The following NRG3 variants were observed in gnomAD, a reference collection of about 807,000 sequenced individuals.
The protein encoded by NRG3 is pro-neuregulin-3, membrane-bound isoform.
A neutral mutation model predicts 66.9 loss-of-function variants in NRG3; 31 were observed. The ratio of observed to expected loss-of-function variants is 0.46; its 90% confidence interval spans 0.35 to 0.63. The LOEUF is 0.63. NRG3 is among the 20% of genes least tolerant of loss of function. The pLI is 0.00. For synonymous variants in NRG3, 393 were observed against 359.4 expected (o/e 1.09, Z -1.06); for missense variants, 910 against 878.9 (o/e 1.04, Z -0.45).
chr10:81,950,432 C>T (rs1849248382), intron 1 of NRG3, among the ~76,000 whole-genome samples: 1 of 152,160 alleles, frequency 6.6e-6, no homozygotes, highest in South Asian at 2.1e-4. Context: ...CCAGAGAGGT[C>T]AAGAAAATCA....
intron 2 of NRG3, among the ~76,000 whole-genome samples, chr10:82,471,120 C>T (rs1590242656): frequency 6.6e-6 from 1 of 152,074 alleles, no homozygotes; most frequent in African/African-American, 2.4e-5. Context: ...AGATTAGGCA[C>T]ACAGACACTT....
At chr10:82,177,248 T>C (rs2073103758) in intron 1 of NRG3, among the ~76,000 whole-genome samples, 2 of 152,066 alleles carry the variant, frequency 1.3e-5, no homozygotes, top group South Asian at 4.1e-4. Flanking sequence ...CTAGGCCTGA[T>C]TGTGTGTTTT....
intron 3 of NRG3, among the ~76,000 whole-genome samples, chr10:82,857,151 A>G (rs1414478294): frequency 6.6e-6 from 1 of 152,290 alleles, no homozygotes; most frequent in Non-Finnish European, 1.5e-5. Context: ...AAACCTTGTC[A>G]TGCTATTTCA....
At chr10:81,879,175 A>C (rs1286223600) in intron 1 of NRG3, among the ~76,000 whole-genome samples, 2 of 152,218 alleles carry the variant, frequency 1.3e-5, no homozygotes, top group African/African-American at 4.8e-5. Context: ...TTGGGTTTCC[A>C]CTTGCCTAGT....
chr10:82,547,464 T>C (rs1286919167), intron 2 of NRG3, among the ~76,000 whole-genome samples: 2 of 149,422 alleles, frequency 1.3e-5, no homozygotes, highest in Non-Finnish European at 3.0e-5. Context: ...TATATGTATG[T>C]ATATATGTAT....
chr10:82,910,075 T>C (rs552630100), intron 4 of NRG3, among the ~76,000 whole-genome samples: 1 of 152,328 alleles, frequency 6.6e-6, no homozygotes, highest in African/African-American at 2.4e-5. Flanking sequence ...ATGACAATCA[T>C]ATTCTGGCCA....
intron 1 of NRG3, among the ~76,000 whole-genome samples, chr10:81,906,008 C>T (rs1040675): frequency 0.45 from 67,975 of 152,006 alleles, 18,719 homozygotes; most frequent in East Asian, 0.81. Context: ...AGTAATATGT[C>T]TTAGGGGCAA....
At chr10:82,138,036 T>G (rs552633461) in intron 1 of NRG3, among the ~76,000 whole-genome samples, 5 of 152,324 alleles carry the variant, frequency 3.3e-5, no homozygotes, top group Admixed American at 2.0e-4. Context: ...TTTCTGCTTT[T>G]TGTTTCTCAA....
At chr10:82,262,903 C>G (rs887619648) in intron 1 of NRG3, among the ~76,000 whole-genome samples, 4 of 152,102 alleles carry the variant, frequency 2.6e-5, no homozygotes, top group Non-Finnish European at 5.9e-5. Context: ...GATTAAGAAT[C>G]TTAGCACTAA....
chr10:82,084,268 A>G (rs377545755), intron 1 of NRG3, among the ~76,000 whole-genome samples: 1 of 152,102 alleles, frequency 6.6e-6, no homozygotes, highest in Non-Finnish European at 1.5e-5. Flanking sequence ...GTAAGGGCAC[A>G]TTCAATATTT....
chr10:82,450,780 A>T (rs770722922), intron 2 of NRG3, among the ~76,000 whole-genome samples: 2 of 152,176 alleles, frequency 1.3e-5, no homozygotes, highest in African/African-American at 2.4e-5. Context: ...TATTTTGGTA[A>T]ATCTTATTGA....
intron 4 of NRG3, among the ~76,000 whole-genome samples, chr10:82,933,154 A>G (rs541075275): frequency 1.3e-5 from 2 of 152,222 alleles, no homozygotes; most frequent in Non-Finnish European, 2.9e-5. Context: ...TAGTCCAGGC[A>G]GCAGTAGAGG....
At chr10:81,901,524 C>T (rs1042681633) in intron 1 of NRG3, among the ~76,000 whole-genome samples, 3 of 152,030 alleles carry the variant, frequency 2.0e-5, no homozygotes, top group African/African-American at 7.2e-5. Context: ...AAAAATTTGT[C>T]TGAGCGTGGT....
At chr10:82,073,519 G>A (rs1256461447) in intron 1 of NRG3, among the ~76,000 whole-genome samples, 1 of 151,998 alleles carries the variant, frequency 6.6e-6, no homozygotes, top group East Asian at 1.9e-4. Context: ...AATGATATCT[G>A]TGCCAGTGAC....
chr10:82,439,291 A>G (rs1396224450), intron 2 of NRG3, among the ~76,000 whole-genome samples: 1 of 152,178 alleles, frequency 6.6e-6, no homozygotes, highest in Non-Finnish European at 1.5e-5. Flanking sequence ...ATTTATAAAT[A>G]TATGATATCT....
chr10:82,614,383 G>A (rs1037451911), intron 2 of NRG3, among the ~76,000 whole-genome samples: 1 of 152,170 alleles, frequency 6.6e-6, no homozygotes, highest in East Asian at 1.9e-4. Flanking sequence ...AGGTGCAGCA[G>A]TATAAATACT....
At chr10:82,811,280 C>T (rs1352138291) in intron 3 of NRG3, among the ~76,000 whole-genome samples, 2 of 152,172 alleles carry the variant, frequency 1.3e-5, no homozygotes, top group Non-Finnish European at 2.9e-5. Flanking sequence ...GAAGCTTCAC[C>T]TGTTTGTTCA....
At chr10:82,455,133 C>T (rs1005036755) in intron 2 of NRG3, among the ~76,000 whole-genome samples, 4 of 152,080 alleles carry the variant, frequency 2.6e-5, no homozygotes, top group African/African-American at 9.7e-5. Context: ...AGCCCAGGGC[C>T]ATGATTTTGT....
At chr10:81,881,590 G>A (rs1016208100) in intron 1 of NRG3, among the ~76,000 whole-genome samples, 1 of 152,060 alleles carries the variant, frequency 6.6e-6, no homozygotes, top group Non-Finnish European at 1.5e-5. Context: ...TATGTCACAT[G>A]TTTCAAATGT....
Sources: gnomAD v4.1 joint callset for allele counts (sites outside exome capture counted in the v4.1 genomes callset) on GRCh38, gnomAD v4.1.1 for gene constraint, MANE v1.5 for transcripts, NCBI Gene and HGNC (gene_info 2026-07-23, HGNC 2026-07-21) for gene names.